The following GRHL2 variants were observed in gnomAD, a reference collection of about 807,000 sequenced individuals.
GRHL2 encodes grainyhead like transcription factor 2.
GRHL2 carries 21 observed loss-of-function variants against 83.8 expected under a neutral mutation model. That is an observed-to-expected ratio of 0.25 (90% confidence interval 0.18 to 0.36). GRHL2 has a LOEUF of 0.36. GRHL2 is among the 10% of genes least tolerant of loss of function. The probability of loss-of-function intolerance (pLI) is 1.00; values close to 1 mark genes in which losing one functional copy is unlikely to be tolerated. For synonymous variants in GRHL2, 280 were observed against 278.9 expected (o/e 1.00, Z -0.04); for missense variants, 623 against 781.8 (o/e 0.80, Z 2.42).
chr8:101,494,683 A>G (rs758662926), intron 1 of GRHL2, among the ~76,000 whole-genome samples: 2 of 152,220 alleles, frequency 1.3e-5, no homozygotes, highest in Non-Finnish European at 2.9e-5. Context: ...TTTGTGATAC[A>G]ACAGAACTCG....
rs1811113389 is a variant in GRHL2, at chr8:101,539,743, A to G, written c.21-3498A>G. On this transcript the variant is annotated intron_variant, in intron 1 of 15. Transcript: ENST00000646743. ...CTACCAAAGTATCCTTCACTTTAAA[A>G]AGCATTTCCCACATCTCACCATCTC... is the stretch of plus-strand genomic sequence containing the variant. Among the ~76,000 whole-genome samples the G allele has an allele frequency of 2.0e-5, 3 of 152,208 alleles. No homozygotes were observed. In the South Asian group the frequency reaches 6.2e-4, roughly 31 times the overall value.
intron 13 of GRHL2, among the ~76,000 whole-genome samples, chr8:101,647,743 T>TCTTTTC (rs1159613566): frequency 1.3e-5 from 2 of 152,110 alleles, no homozygotes; most frequent in African/African-American, 4.8e-5. Context: ...ATTTTCTTTT[T>TCTTTTC]CTTTTTCTTT....
In GRHL2 at chr8:101,543,413, G is replaced by A. The variant is rs1440566501; in HGVS notation, c.193G>A (p.Gly65Ser). 15 of 1,613,824 alleles carry A rather than the reference G, an allele frequency of 9.3e-6. No individual in the cohort carries two copies. In the African/African-American group the frequency reaches 9.3e-5, roughly 10 times the overall value. The part of the protein sequence containing the change: ...NGDEDSAAAL[G>S]LLYDYYKVPR... ...TGATGAGGACAGTGCTGCTGCCCTC[G>A]GCCTGCTCTATGACTACTACAAGGT... is the stretch of plus-strand genomic sequence containing the variant. The change falls in exon 2 of 16, where the codon GGC (glycine) becomes AGC (serine). Residue 65 changes from glycine (G) to serine (S), a missense_variant. Gly to Ser is a moderately conservative substitution (Grantham distance 56). Transcript: ENST00000646743.
At chr8:101,581,841 A>G (rs892788852) in intron 7 of GRHL2, among the ~76,000 whole-genome samples, 16 of 152,098 alleles carry the variant, frequency 1.1e-4, no homozygotes, top group African/African-American at 3.6e-4. Context: ...AGTTTCTGAG[A>G]CTCATCTGAA....
intron 7 of GRHL2, among the ~76,000 whole-genome samples, chr8:101,586,089 T>TTTTTG (rs1289272635): frequency 7.3e-6 from 1 of 136,664 alleles, no homozygotes; most frequent in African/African-American, 2.8e-5. Flanking sequence ...TTTTTTTTTT[T>TTTTTG]TGAGACGGAG....
At chr8:101,572,759 C>T (rs1472667896) in intron 5 of GRHL2, among the ~76,000 whole-genome samples, 3 of 152,034 alleles carry the variant, frequency 2.0e-5, no homozygotes, top group Non-Finnish European at 2.9e-5. Context: ...AATTGATATA[C>T]TCTTCGAAGT....
At chr8:101,499,740 C>G (rs985174999) in intron 1 of GRHL2, among the ~76,000 whole-genome samples, 1 of 152,196 alleles carries the variant, frequency 6.6e-6, no homozygotes, top group African/African-American at 2.4e-5. Context: ...TACTGATACT[C>G]TCTTCCTTTT....
chr8:101,550,331 G>C (rs1169503937), intron 2 of GRHL2, among the ~76,000 whole-genome samples: 1 of 152,052 alleles, frequency 6.6e-6, no homozygotes, highest in Non-Finnish European at 1.5e-5. Flanking sequence ...CCAAAAGATA[G>C]TTTTTCAGCC....
chr8:101,570,227 C>T, intron 4 of GRHL2, 112 bp from the exon 5 acceptor site: 1 of 920,242 alleles, frequency 1.1e-6, no homozygotes, highest in Non-Finnish European at 1.8e-6. Flanking sequence ...ATATCAAATA[C>T]ATAACTTTAT....
intron 4 of GRHL2, among the ~76,000 whole-genome samples, chr8:101,563,867 G>A (rs114329088): frequency 2.7e-4 from 41 of 152,158 alleles, no homozygotes; most frequent in African/African-American, 9.6e-4. Context: ...CCCATGTGAG[G>A]TACATGTTTT....
intron 8 of GRHL2, among the ~76,000 whole-genome samples, chr8:101,608,463 G>A (rs562758618): frequency 2.0e-5 from 3 of 152,274 alleles, no homozygotes; most frequent in Admixed American, 6.5e-5. Flanking sequence ...GAATCCCTGC[G>A]CTCAGAGAAT....
chr8:101,507,946 C>G (rs1050784987), intron 1 of GRHL2, among the ~76,000 whole-genome samples: 4 of 151,762 alleles, frequency 2.6e-5, no homozygotes, highest in African/African-American at 4.8e-5. Flanking sequence ...CCATGCCCAG[C>G]TAATTTTTGT....
In GRHL2 at chr8:101,667,846, T is replaced by TGTGCCTCCCA. The variant is rs1335421407; in HGVS notation, c.*1146_*1155dup. On this transcript the variant is annotated 3_prime_UTR_variant, in exon 16 of 16. Transcript: ENST00000646743. ...ATCAGGAGAATCCTGGACACTGTACTGTGCCTCCCAGTTTACAAACACGCC... is the reference window on the plus strand; with the variant it reads ...ATCAGGAGAATCCTGGACACTGTACTGTGCCTCCCAGTGCCTCCCAGTTTACAAACACGCC... The TGTGCCTCCCA allele has an allele frequency of 6.5e-5, 10 of 152,808 alleles. No individual in the cohort carries two copies. Among genetic ancestry groups the TGTGCCTCCCA allele is most frequent in the African/African-American group, 2.4e-4 (10 of 41,462 alleles). The allele number at this position is 152,808 out of a possible 1,614,324, so 9.5% of individuals were successfully genotyped here.
intron 14 of GRHL2, among the ~76,000 whole-genome samples, chr8:101,650,691 G>A (rs906430948): frequency 2.6e-5 from 4 of 151,826 alleles, no homozygotes; most frequent in Non-Finnish European, 5.9e-5. Flanking sequence ...GGTTTTCTTT[G>A]GGGGGGATGA....
chr8:101,666,186 A>G (rs546192512), intron 15 of GRHL2, among the ~76,000 whole-genome samples: 2 of 152,284 alleles, frequency 1.3e-5, no homozygotes, highest in Admixed American at 6.5e-5. Flanking sequence ...TCCTCCTAAG[A>G]GCAGAGGCAA....
intron 7 of GRHL2, among the ~76,000 whole-genome samples, chr8:101,589,629 C>T (rs1812235668): frequency 6.6e-6 from 1 of 152,110 alleles, no homozygotes; most frequent in South Asian, 2.1e-4. Flanking sequence ...TCTCCACAAA[C>T]AGGAGGGTGA....
At chr8:101,603,743 A>T (rs552006041) in intron 8 of GRHL2, among the ~76,000 whole-genome samples, 2 of 152,274 alleles carry the variant, frequency 1.3e-5, no homozygotes, top group South Asian at 4.1e-4. Context: ...CTCCAACAGG[A>T]TCAGCTTTTG....
At chr8:101,555,949 T>G (rs2130167226) in intron 3 of GRHL2, among the ~76,000 whole-genome samples, 1 of 152,280 alleles carries the variant, frequency 6.6e-6, no homozygotes, top group African/African-American at 2.4e-5. Flanking sequence ...AAGAGCCCAG[T>G]TCTTGGAAGA....
Position 101,533,010 on chromosome 8 carries a change from C to T in GRHL2, c.21-10231C>T, listed in dbSNP as rs369373941. On this transcript the variant is annotated intron_variant, in intron 1 of 15. Transcript: ENST00000646743. ...TTGGGAATGATGGACAACAGGTAGACGAAAGGAATTCTTAATATCAGGCCT... is the reference window on the plus strand; with the variant it reads ...TTGGGAATGATGGACAACAGGTAGATGAAAGGAATTCTTAATATCAGGCCT... Among the ~76,000 whole-genome samples the T allele has an allele frequency of 5.9e-5, 9 of 152,218 alleles. No individual in the cohort carries two copies. In the East Asian group the frequency reaches 1.2e-3, roughly 20 times the overall value.
Sources: allele counts gnomAD v4.1 joint callset (sites outside exome capture counted in the v4.1 genomes callset), GRCh38; gene constraint gnomAD v4.1.1; transcripts MANE v1.5; gene names NCBI Gene and HGNC (gene_info 2026-07-23, HGNC 2026-07-21).